SPARCL1: variants seen among roughly 807,000 people sequenced by gnomAD.
SPARCL1 encodes the protein SPARC like 1.
In SPARCL1, 52 loss-of-function variants were observed where a neutral mutation model predicts 67.1. That is an observed-to-expected ratio of 0.78 (90% CI 0.62 to 0.98). SPARCL1 has a LOEUF of 0.98. SPARCL1 is among the 50% of genes least tolerant of loss of function. The probability of loss-of-function intolerance (pLI) is 0.00; values close to 1 mark genes in which losing one functional copy is unlikely to be tolerated. For synonymous variants in SPARCL1, 226 were observed against 267.8 expected (o/e 0.84, Z 1.52); for missense variants, 717 against 782.4 (o/e 0.92, Z 1.00).
At chr4:87,519,164 G>A (rs185357705) in intron 1 of SPARCL1, among the ~76,000 whole-genome samples, 88 of 151,610 alleles carry the variant, frequency 5.8e-4, no homozygotes, top group Non-Finnish European at 9.7e-4. Flanking sequence ...TCCGCCTCCC[G>A]GGTTCAAGCA....
chr4:87,487,645 G>T (rs1324453199), intron 7 of SPARCL1, among the ~76,000 whole-genome samples: 2 of 152,172 alleles, frequency 1.3e-5, no homozygotes, highest in Non-Finnish European at 2.9e-5. Flanking sequence ...GGTCTGTCTT[G>T]CTAGGTTGAG....
intron 10 of SPARCL1, among the ~76,000 whole-genome samples, chr4:87,478,402 C>T (rs1232916239): frequency 2.0e-5 from 3 of 150,612 alleles, no homozygotes; most frequent in African/African-American, 2.4e-5. Flanking sequence ...GTGAGAATTG[C>T]GAGTAGATTT....
At chr4:87,512,731 A>T (rs1725420931) in intron 1 of SPARCL1, among the ~76,000 whole-genome samples, 1 of 152,184 alleles carries the variant, frequency 6.6e-6, no homozygotes, top group East Asian at 1.9e-4. Flanking sequence ...AAATACAGGG[A>T]TGTGATTTTA....
intron 1 of SPARCL1, among the ~76,000 whole-genome samples, chr4:87,525,818 G>A (rs1726014449): frequency 6.6e-6 from 1 of 152,076 alleles, no homozygotes; most frequent in Non-Finnish European, 1.5e-5. Context: ...CATGAAGCAG[G>A]AGTCTCTCTA....
chr4:87,493,802 C>T lies in SPARCL1; in HGVS notation c.998G>A (p.Arg333Lys). 6.2e-7 allele frequency: 1 copy of T among 1,614,114 alleles called. No individual in the cohort carries two copies. The highest frequency in any genetic ancestry group is 8.5e-7 in the Non-Finnish European group (1 of 1,180,010). ...EPTDDGNTTP[R>K]NHGVDDDGDD... The stretch of plus-strand genomic sequence containing the variant: ...GCCATCATCATCAACTCCATGATTT[C>T]TGGGCGTGGTATTACCATCATCAGT... The change falls in exon 4 of 11, where the codon AGA (arginine) becomes AAA (lysine). Residue 333 changes from arginine to lysine, a missense_variant. Physicochemically the swap from Arg to Lys is conservative, Grantham distance 26. Transcript: ENST00000282470.
At chr4:87,513,217 T>C (rs1047692697) in intron 1 of SPARCL1, among the ~76,000 whole-genome samples, 2 of 152,258 alleles carry the variant, frequency 1.3e-5, no homozygotes, top group Non-Finnish European at 2.9e-5. Flanking sequence ...TCTTATATAC[T>C]GTCTCATTTG....
chr4:87,493,650 C>A lies in SPARCL1; in HGVS notation c.1150G>T (p.Glu384Ter). The change falls in exon 4 of 11, where the codon GAG becomes TAG. Residue 384 changes from glutamate to a stop codon, truncating the protein, a stop_gained. Coordinates refer to ENST00000282470, the MANE Select transcript of SPARCL1 (RefSeq NM_004684.6). LOFTEE classifies it high-confidence loss of function. ...AQSIAYHLKIEEQREKVHENE... is the reference protein window; with the variant it reads ...AQSIAYHLKI ...TCATGTACTTTTTCTCTTTGCTCCT[C>A]AATTTTGAGGTGATAGGCAATGGAT... 1 of 1,614,012 alleles carries A rather than the reference C, an allele frequency of 6.2e-7. No individual in the cohort carries two copies.
intron 1 of SPARCL1, among the ~76,000 whole-genome samples, chr4:87,509,123 GTGA>G (rs780093973): frequency 2.7e-5 from 4 of 150,326 alleles, no homozygotes; most frequent in Non-Finnish European, 5.9e-5. Flanking sequence ...ATAGTGTAAT[GTGA>G]TGATTATGTA....
At chr4:87,511,298 A>C (rs1725342639) in intron 1 of SPARCL1, among the ~76,000 whole-genome samples, 1 of 152,254 alleles carries the variant, frequency 6.6e-6, no homozygotes, top group Non-Finnish European at 1.5e-5. Flanking sequence ...AAAAGTCTTG[A>C]GTCACATTTC....
At chr4:87,519,756 T>C (rs1725729038) in intron 1 of SPARCL1, among the ~76,000 whole-genome samples, 1 of 152,168 alleles carries the variant, frequency 6.6e-6, no homozygotes, top group Non-Finnish European at 1.5e-5. Flanking sequence ...ATCTCAGCAA[T>C]TATAGACTTG....
chr4:87,480,660 A>C, intron 8 of SPARCL1, 140 bp from the exon 9 acceptor site: 1 of 687,518 alleles, frequency 1.5e-6, no homozygotes, highest in South Asian at 2.6e-5. Context: ...ACTAAATGAA[A>C]TTCCTTCCAA....
chr4:87,526,681 C>G (rs1159038733), intron 1 of SPARCL1, among the ~76,000 whole-genome samples: 1 of 152,184 alleles, frequency 6.6e-6, no homozygotes, highest in Non-Finnish European at 1.5e-5. Context: ...GCCTCAGAGG[C>G]ATACACCTGG....
intron 1 of SPARCL1, among the ~76,000 whole-genome samples, chr4:87,514,215 A>G (rs1173444437): frequency 6.6e-6 from 1 of 152,176 alleles, no homozygotes; most frequent in Non-Finnish European, 1.5e-5. Flanking sequence ...TTATTCCTGA[A>G]TTAATGTATT....
At chr4:87,496,514 C>G (rs751398120) in intron 2 of SPARCL1, among the ~76,000 whole-genome samples, 1 of 151,954 alleles carries the variant, frequency 6.6e-6, no homozygotes, top group African/African-American at 2.4e-5. Flanking sequence ...CCACCATGAC[C>G]GGCCAAGGTC....
chr4:87,493,326 C>T (rs1166933846), intron 4 of SPARCL1, among the ~76,000 whole-genome samples: 1 of 152,204 alleles, frequency 6.6e-6, no homozygotes, highest in Non-Finnish European at 1.5e-5. Flanking sequence ...TGTGTTACTT[C>T]TGCACTCCTC....
At position 87,494,977 on chromosome 4, in the gene SPARCL1, T is replaced by C. The variant is rs772966699; in HGVS notation, c.201+4A>G. 1 of 1,596,456 alleles carries C rather than the reference T, an allele frequency of 6.3e-7. No homozygotes were observed. Among genetic ancestry groups the C allele is most frequent in the Admixed American group, 1.8e-5 (1 of 54,716 alleles). ...TGTATTAATATAAATGATGTTACTTTTACCTTATGGTGGGAATCGTCTTCT... is the reference window on the plus strand; with the variant it reads ...TGTATTAATATAAATGATGTTACTTCTACCTTATGGTGGGAATCGTCTTCT... On this transcript the variant is annotated splice_donor_region_variant and intron_variant, in intron 3 of 10. Transcript: ENST00000282470.
intron 1 of SPARCL1, among the ~76,000 whole-genome samples, chr4:87,507,304 CTAAT>C (rs1463947904): frequency 6.6e-6 from 1 of 152,192 alleles, no homozygotes; most frequent in Non-Finnish European, 1.5e-5. Context: ...ACATGCATAA[CTAAT>C]TAAATTTGAG....
At chr4:87,493,517 A>C in intron 4 of SPARCL1, 65 bp downstream of exon 4, 1 of 1,415,172 alleles carries the variant, frequency 7.1e-7, no homozygotes, top group Non-Finnish European at 9.6e-7. Context: ...AGCACAGAGA[A>C]AGGTCATGAC....
intron 1 of SPARCL1, among the ~76,000 whole-genome samples, chr4:87,509,198 C>T (rs2110249917): frequency 6.6e-6 from 1 of 151,838 alleles, no homozygotes; most frequent in Non-Finnish European, 1.5e-5. Context: ...TAATAGCTAA[C>T]TTTACTACAT....
Sources: gnomAD v4.1 joint callset for allele counts (sites outside exome capture counted in the v4.1 genomes callset) on GRCh38, gnomAD v4.1.1 for gene constraint, MANE v1.5 for transcripts, NCBI Gene and HGNC (gene_info 2026-07-23, HGNC 2026-07-21) for gene names.